DGKI: variants seen among roughly 807,000 people sequenced by gnomAD.
DGKI encodes the protein diacylglycerol kinase iota.
Under a neutral mutation model 147.5 loss-of-function variants are expected in DGKI, and 55 were observed. That is an observed-to-expected ratio of 0.37 (90% CI 0.30 to 0.47). The LOEUF is 0.47. Among genes scored for constraint, DGKI ranks in the 20% least tolerant of loss-of-function variants. DGKI has a pLI of 1.00. For missense variants in DGKI, 1,007 were observed against 1,323.8 expected, an observed-to-expected ratio of 0.76 and a Z score of 3.71; for synonymous variants, 469 against 477.1, an observed-to-expected ratio of 0.98 and a Z score of 0.22.
chr7:137,394,052 A>C (rs373550215), intron 32 of DGKI, among the ~76,000 whole-genome samples: 3 of 152,312 alleles, frequency 2.0e-5, no homozygotes, highest in East Asian at 1.9e-4. Flanking sequence ...TACCTGCTTA[A>C]TGAAGGCCTC....
In DGKI at chr7:137,830,355, AC is replaced by A. The variant is rs1257493689; in HGVS notation, c.401+16106del. 4.6e-5 allele frequency among the ~76,000 whole-genome samples: 7 copies of A among 152,312 alleles called. No individual in the cohort carries two copies. The East Asian group carries it at 9.6e-4, about 21-fold the overall frequency. ...AAAGGAGGAGCAGATGGGGACAGAA[AC>A]CCAGCCTCAGTGCCCCCCACCACAG... is the stretch of plus-strand genomic sequence containing the variant. On this transcript the variant is annotated intron_variant, in intron 1 of 32. Coordinates refer to ENST00000614521, the MANE Select transcript of DGKI (RefSeq NM_001321708.2).
At chr7:137,778,550 A>G (rs1796430372) in intron 1 of DGKI, among the ~76,000 whole-genome samples, 1 of 151,896 alleles carries the variant, frequency 6.6e-6, no homozygotes, top group African/African-American at 2.4e-5. Context: ...CAAAGTAGCT[A>G]GGTCAGAACA....
intron 1 of DGKI, among the ~76,000 whole-genome samples, chr7:137,695,725 T>C (rs1379608088): frequency 1.3e-5 from 2 of 152,220 alleles, no homozygotes; most frequent in Admixed American, 6.5e-5. Context: ...CCAGACGTAC[T>C]ATAAAATTCA....
At chr7:137,529,869 C>T (rs937309291) in intron 20 of DGKI, among the ~76,000 whole-genome samples, 3 of 152,168 alleles carry the variant, frequency 2.0e-5, no homozygotes, top group African/African-American at 7.2e-5. Context: ...CCTGCCTCAG[C>T]CTCCTGAGTA....
intron 23 of DGKI, among the ~76,000 whole-genome samples, chr7:137,475,197 C>A (rs965099953): frequency 6.6e-6 from 1 of 152,116 alleles, no homozygotes; most frequent in African/African-American, 2.4e-5. Flanking sequence ...CATTTGCACT[C>A]AGATTCTGAG....
Position 137,524,880 on chromosome 7 carries a change from T to G in DGKI, c.2148-2914A>C, listed in dbSNP as rs542772382. Among the ~76,000 whole-genome samples, 7 of 152,256 alleles carry G rather than the reference T, an allele frequency of 4.6e-5. No individual in the cohort carries two copies. The East Asian group carries it at 1.4e-3, about 29-fold the overall frequency. ...CAAATGGGAAATGAGATTTGGAGAA[T>G]GACTGCTGACCAGTTCCTGGACTCC... On this transcript the variant is annotated intron_variant, in intron 20 of 32. Transcript: ENST00000614521.
chr7:137,444,878 A>G (rs376233285), intron 27 of DGKI, among the ~76,000 whole-genome samples: 1 of 152,176 alleles, frequency 6.6e-6, no homozygotes, highest in East Asian at 1.9e-4. Context: ...TACGGCTTTG[A>G]CTCACACTTA....
chr7:137,539,805 C>T (rs1030767089), intron 20 of DGKI, among the ~76,000 whole-genome samples: 8 of 151,558 alleles, frequency 5.3e-5, no homozygotes, highest in Non-Finnish European at 7.4e-5. Context: ...GTTAGTAAAA[C>T]AAAAGCCAAT....
At chr7:137,813,491 C>T (rs779949401) in intron 1 of DGKI, among the ~76,000 whole-genome samples, 10 of 152,142 alleles carry the variant, frequency 6.6e-5, no homozygotes, top group Admixed American at 1.3e-4. Flanking sequence ...CTTTGTGAAC[C>T]ACCCCCTTGG....
At chr7:137,765,172 T>C (rs551301832) in intron 1 of DGKI, among the ~76,000 whole-genome samples, 24 of 152,360 alleles carry the variant, frequency 1.6e-4, no homozygotes, top group Admixed American at 6.5e-4. Flanking sequence ...TTAATGCAGC[T>C]TTTTAGTTGC....
rs114672568 is a variant in DGKI, at chr7:137,433,742, G to A, written c.2761+10335C>T. On this transcript the variant is annotated intron_variant, in intron 28 of 32. Transcript: ENST00000614521. ...CCTAAATAACTGTATTGACTTATCT[G>A]TGGAAATGAAATCTATGATCTCTTC... Among the ~76,000 whole-genome samples, 1,158 of 152,290 alleles carry A rather than the reference G, an allele frequency of 7.6e-3. 13 individuals are homozygous for A. The highest frequency in any genetic ancestry group is 0.026 in the African/African-American group (1,076 of 41,542).
chr7:137,612,797 C>T (rs940730583), intron 8 of DGKI, among the ~76,000 whole-genome samples: 1 of 152,124 alleles, frequency 6.6e-6, no homozygotes, highest in Non-Finnish European at 1.5e-5. Context: ...TCAAGGGCAG[C>T]TAACTCGGTG....
rs766681682 is a variant in DGKI, at chr7:137,659,380, C to T, written c.607-2840G>A. 2.0e-5 allele frequency among the ~76,000 whole-genome samples: 3 copies of T among 152,186 alleles called. No individual in the cohort carries two copies. In the South Asian group the frequency reaches 6.2e-4, roughly 31 times the overall value. ...TCACTGACTTCACGGTGTATGACTA[C>T]ATTTCAACTGGTTAAAGTTATTTGA... On this transcript the variant is annotated intron_variant, in intron 3 of 32. Coordinates refer to ENST00000614521, the MANE Select transcript of DGKI (RefSeq NM_001321708.2).
rs373108080 is a variant in DGKI at position 137,501,799 on chromosome 7, A to G, written c.2249-14110T>C. On this transcript the variant is annotated intron_variant, in intron 21 of 32. Coordinates refer to ENST00000614521, the MANE Select transcript of DGKI (RefSeq NM_001321708.2). ...TGAGCTAGGATCACTTTTCCTGGGC[A>G]CAGCTGCTTGGAGCCTGATATGGTT... Among the ~76,000 whole-genome samples the G allele has an allele frequency of 2.1e-4, 32 of 152,254 alleles. 1 individual carries two copies. Among genetic ancestry groups the G allele is most frequent in the African/African-American group, 7.7e-4 (32 of 41,554 alleles).
intron 20 of DGKI, among the ~76,000 whole-genome samples, chr7:137,522,635 T>C (rs1817002335): frequency 6.6e-6 from 1 of 152,122 alleles, no homozygotes; most frequent in African/African-American, 2.4e-5. Context: ...ATTCAATGCA[T>C]ACTGACTCCA....
At chr7:137,460,625 A>C (rs74591511) in intron 27 of DGKI, among the ~76,000 whole-genome samples, 1 of 152,306 alleles carries the variant, frequency 6.6e-6, no homozygotes, top group African/African-American at 2.4e-5. Flanking sequence ...CCAAATCCAA[A>C]TATCTGAAAT....
intron 1 of DGKI, among the ~76,000 whole-genome samples, chr7:137,784,895 T>G (rs377011339): frequency 1.3e-5 from 2 of 151,732 alleles, no homozygotes; most frequent in African/African-American, 2.4e-5. Flanking sequence ...CAAATCACGA[T>G]GGAAATTAAA....
intron 1 of DGKI, among the ~76,000 whole-genome samples, chr7:137,696,431 C>CT (rs10609322): frequency 0.043 from 1,572 of 36,620 alleles, 223 homozygotes; most frequent in Middle Eastern, 0.053. Flanking sequence ...GCCCAAAAGA[C>CT]TTTTTTTTTT....
chr7:137,728,269 C>T (rs1794769167), intron 1 of DGKI, among the ~76,000 whole-genome samples: 1 of 152,096 alleles, frequency 6.6e-6, no homozygotes, highest in South Asian at 2.1e-4. Context: ...CAGGGTCCTC[C>T]TGGCTGAAGG....
Sources: gnomAD v4.1 joint callset for allele counts (sites outside exome capture counted in the v4.1 genomes callset) on GRCh38, gnomAD v4.1.1 for gene constraint, MANE v1.5 for transcripts, NCBI Gene and HGNC (gene_info 2026-07-23, HGNC 2026-07-21) for gene names.